ROBO1: variants seen among roughly 807,000 people sequenced by gnomAD.
ROBO1 encodes roundabout guidance receptor 1, also known as roundabout homolog 1.
Under a neutral mutation model 195.9 loss-of-function variants are expected in ROBO1, and 149 were observed. The ratio of observed to expected loss-of-function variants is 0.76; its 90% CI spans 0.67 to 0.87. The LOEUF (loss-of-function observed/expected upper bound fraction) is 0.87, where lower values mean the gene tolerates loss of function less well. Among genes scored for constraint, ROBO1 ranks in the 40% least tolerant of loss-of-function variants. The pLI is 0.00. For synonymous variants in ROBO1, 816 were observed against 733.2 expected, an observed-to-expected ratio of 1.11 and a Z score of -1.82; for missense variants, 1,933 against 2,068.3, an observed-to-expected ratio of 0.93 and a Z score of 1.27.
chr3:79,413,329 A>G (rs1037563138), intron 2 of ROBO1, among the ~76,000 whole-genome samples: 13 of 152,128 alleles, frequency 8.5e-5, no homozygotes, highest in Non-Finnish European at 1.8e-4. Context: ...CAAGCTGGGT[A>G]TAAGGCAAGA....
rs76851913 is a variant in ROBO1 at position 78,607,558 on chromosome 3, T to C, written c.4436-517A>G. Among the ~76,000 whole-genome samples the C allele has an allele frequency of 2.6e-5, 4 of 152,188 alleles. No individual in the cohort carries two copies. In the East Asian group the frequency reaches 5.8e-4, roughly 22 times the overall value. ...ACTCTTGTTATCTAGCACAGAACCATTGAATGACAAAGTTGGTACTTAGTG... is the reference window on the plus strand; with the variant it reads ...ACTCTTGTTATCTAGCACAGAACCACTGAATGACAAAGTTGGTACTTAGTG... On this transcript the variant is annotated intron_variant, in intron 28 of 30. Transcript: ENST00000464233.
At chr3:78,771,041 T>C (rs2083361143) in intron 4 of ROBO1, among the ~76,000 whole-genome samples, 1 of 152,058 alleles carries the variant, frequency 6.6e-6, no homozygotes, top group South Asian at 2.1e-4. Flanking sequence ...CAGTCTGGCC[T>C]GGGTGACAGA....
intron 2 of ROBO1, among the ~76,000 whole-genome samples, chr3:79,280,464 G>A (rs571389130): frequency 1.3e-5 from 2 of 152,276 alleles, no homozygotes; most frequent in South Asian, 4.1e-4. Context: ...AGGACAAACA[G>A]AGGGAGCAGA....
intron 1 of ROBO1, among the ~76,000 whole-genome samples, chr3:79,687,637 C>T (rs1947165304): frequency 6.6e-6 from 1 of 152,124 alleles, no homozygotes; most frequent in African/African-American, 2.4e-5. Context: ...CATCACTGGC[C>T]ATCAAAGAAA....
At chr3:78,946,679 C>T (rs535240553) in intron 3 of ROBO1, among the ~76,000 whole-genome samples, 36 of 152,258 alleles carry the variant, frequency 2.4e-4, no homozygotes, top group Admixed American at 5.9e-4. Context: ...ACAATATTAA[C>T]TTTAAATGTA....
At chr3:79,078,971 C>T (rs1382241027) in intron 3 of ROBO1, among the ~76,000 whole-genome samples, 1 of 151,718 alleles carries the variant, frequency 6.6e-6, no homozygotes, top group African/African-American at 2.4e-5. Flanking sequence ...AGTGCAGGCT[C>T]TTTAAGATAG....
Position 78,648,651 on chromosome 3 carries a change from A to G in ROBO1, c.2813-996T>C, listed in dbSNP as rs73108208. Among the ~76,000 whole-genome samples, 826 of 151,638 alleles carry G rather than the reference A, an allele frequency of 5.4e-3. 3 individuals carry two copies. The highest frequency in any genetic ancestry group is 9.8e-3 in the Non-Finnish European group (668 of 67,906). On this transcript the variant is annotated intron_variant, in intron 19 of 30. Coordinates refer to ENST00000464233, the MANE Select transcript of ROBO1 (RefSeq NM_002941.4). ...AGATTGACTTATTTCCAATCTCTTCATGTTAAATTAAAGTAAACGCTGCTC... is the reference window on the plus strand; with the variant it reads ...AGATTGACTTATTTCCAATCTCTTCGTGTTAAATTAAAGTAAACGCTGCTC...
intron 2 of ROBO1, among the ~76,000 whole-genome samples, chr3:79,446,806 A>T (rs1359878572): frequency 6.6e-6 from 1 of 152,134 alleles, no homozygotes; most frequent in Non-Finnish European, 1.5e-5. Context: ...TCTACATTTC[A>T]AAAAAGTTTT....
chr3:78,924,814 A>G (rs2039121407), intron 4 of ROBO1, among the ~76,000 whole-genome samples: 1 of 152,166 alleles, frequency 6.6e-6, no homozygotes, highest in Non-Finnish European at 1.5e-5. Context: ...CACTTTAAAC[A>G]AAAGCAGAGT....
intron 2 of ROBO1, among the ~76,000 whole-genome samples, chr3:79,512,083 T>G (rs1940734495): frequency 6.6e-6 from 1 of 151,840 alleles, no homozygotes; most frequent in East Asian, 1.9e-4. Flanking sequence ...CTTAATTTAA[T>G]AAAAAGAAAG....
At chr3:79,673,837 C>T (rs755261622) in intron 1 of ROBO1, among the ~76,000 whole-genome samples, 2 of 151,900 alleles carry the variant, frequency 1.3e-5, no homozygotes, top group Non-Finnish European at 2.9e-5. Context: ...CTCTTCCACT[C>T]GCTGCAGTCT....
At position 78,685,854 on chromosome 3, in the gene ROBO1, C is replaced by A. The variant is rs780209807; in HGVS notation, c.1234G>T (p.Asp412Tyr). ...CGCTGGACATTAGTAATTGTGAGGT[C>A]GCCAGTCTGGGAGACTGAAAATCGG... The part of the protein sequence containing the change: ...SSRFSVSQTG[D>Y]LTITNVQRSD... The change falls in exon 10 of 31, where the codon GAC becomes TAC. Residue 412 changes from aspartate (D) to tyrosine (Y), a missense_variant. Asp to Tyr is a radical substitution (Grantham distance 160). Around this residue, in one of 3 missense-constraint regions of ROBO1, gnomAD observed 1,737 missense variants for 1,882.5 expected, o/e 0.92. Transcript: ENST00000464233. 6.2e-7 allele frequency: 1 copy of A among 1,609,318 alleles called. No individual in the cohort carries two copies. Among genetic ancestry groups the A allele is most frequent in the Non-Finnish European group, 8.5e-7 (1 of 1,177,116 alleles).
chr3:79,396,438 A>T (rs1180295375), intron 2 of ROBO1, among the ~76,000 whole-genome samples: 2 of 152,112 alleles, frequency 1.3e-5, no homozygotes, highest in Non-Finnish European at 2.9e-5. Context: ...ACAATTCTTT[A>T]TATCATGAAA....
chr3:79,302,912 C>A (rs1046136763), intron 2 of ROBO1, among the ~76,000 whole-genome samples: 2 of 151,900 alleles, frequency 1.3e-5, no homozygotes, highest in African/African-American at 4.8e-5. Flanking sequence ...AAATTTTAAA[C>A]CTAATCATGG....
intron 1 of ROBO1, among the ~76,000 whole-genome samples, chr3:79,644,539 C>T (rs1022039822): frequency 3.9e-5 from 6 of 152,072 alleles, no homozygotes; most frequent in African/African-American, 1.4e-4. Context: ...AGGGGAAGTC[C>T]TCTTTTTAAA....
intron 2 of ROBO1, among the ~76,000 whole-genome samples, chr3:79,560,422 A>G (rs1404212630): frequency 6.7e-6 from 1 of 148,522 alleles, no homozygotes; most frequent in Non-Finnish European, 1.5e-5. Flanking sequence ...TAGGAGATAT[A>G]CCTAATGCTA....
At chr3:79,249,505 A>G (rs1173615059) in intron 2 of ROBO1, among the ~76,000 whole-genome samples, 2 of 152,192 alleles carry the variant, frequency 1.3e-5, no homozygotes, top group African/African-American at 4.8e-5. Context: ...TAAGAAAACA[A>G]TACTAGAGAT....
chr3:79,667,458 A>G (rs191733956), intron 1 of ROBO1, among the ~76,000 whole-genome samples: 1 of 151,968 alleles, frequency 6.6e-6, no homozygotes, highest in East Asian at 1.9e-4. Context: ...TTGTGTAAAA[A>G]TGACCCATAC....
chr3:79,685,354 A>G (rs1442299000), intron 1 of ROBO1, among the ~76,000 whole-genome samples: 1 of 152,128 alleles, frequency 6.6e-6, no homozygotes, highest in African/African-American at 2.4e-5. Flanking sequence ...GAAGATGAGC[A>G]TGGCCTTCTA....
Sources: gnomAD v4.1 joint callset for allele counts (sites outside exome capture counted in the v4.1 genomes callset) on GRCh38, gnomAD v4.1.1 for gene constraint, gnomAD v4.1.1 regional missense constraint, MANE v1.5 for transcripts, NCBI Gene and HGNC (gene_info 2026-07-23, HGNC 2026-07-21) for gene names.